Variants in CD163L1 observed in about 807,000 individuals in gnomAD.
The protein encoded by CD163L1 is CD163 molecule like 1.
CD163L1 carries 124 observed loss-of-function variants against 165.4 expected under a neutral mutation model. The ratio of observed to expected loss-of-function variants is 0.75; its 90% CI spans 0.65 to 0.87. CD163L1 has a LOEUF of 0.87. Ranked by LOEUF, CD163L1 falls within the 40% of genes least tolerant of loss-of-function variation. The pLI, the probability that CD163L1 is intolerant of heterozygous loss-of-function variation, is 0.00. For missense variants in CD163L1, 1,525 were observed against 1,799.9 expected (o/e 0.85, Z 2.76); for synonymous variants, 585 against 662.2 (o/e 0.88, Z 1.79).
At chr12:7,419,881 C>CA (rs1459882454) in intron 4 of CD163L1, among the ~76,000 whole-genome samples, 1 of 151,648 alleles carries the variant, frequency 6.6e-6, no homozygotes, top group Non-Finnish European at 1.5e-5. Flanking sequence ...CATATGGAAC[C>CA]AAAAAAGAGC....
At chr12:7,405,129 C>T (rs1465343810) in intron 5 of CD163L1, among the ~76,000 whole-genome samples, 1 of 152,156 alleles carries the variant, frequency 6.6e-6, no homozygotes, top group South Asian at 2.1e-4. Context: ...CCCTTCCTTA[C>T]TCTTCCAGAG....
At chr12:7,330,551 C>T in the CD163L1 span, among the ~76,000 whole-genome samples, 2 of 152,190 alleles carry the variant, frequency 1.3e-5, no homozygotes, top group African/African-American at 4.8e-5. Flanking sequence ...TCCTATTTCA[C>T]AGAAACCTAG....
intron 8 of CD163L1, among the ~76,000 whole-genome samples, chr12:7,394,315 C>A (rs1947727195): frequency 6.6e-6 from 1 of 152,072 alleles, no homozygotes; most frequent in Non-Finnish European, 1.5e-5. Context: ...TGATCTTTGA[C>A]AAACCTGACA....
intron 18 of CD163L1, among the ~76,000 whole-genome samples, chr12:7,362,395 T>C (rs1463936819): frequency 2.2e-5 from 3 of 137,056 alleles, no homozygotes; most frequent in Non-Finnish European, 3.0e-5. Context: ...TAATTACAAT[T>C]ATAGATAATT....
chr12:7,342,433 C>T (rs1292652695), downstream of CD163L1, among the ~76,000 whole-genome samples: 2 of 152,142 alleles, frequency 1.3e-5, no homozygotes, highest in African/African-American at 4.8e-5. Flanking sequence ...TCTATAGAAA[C>T]AATGCTTATC....
chr12:7,379,055 G>C lies in CD163L1; in HGVS notation c.2294C>G (p.Ser765Cys). The change falls in exon 9 of 20, where the codon TCT becomes TGT. Residue 765 changes from serine (S) to cysteine (C), a missense_variant. By Grantham distance (112) the Ser-to-Cys change is moderately radical. Coordinates refer to ENST00000313599, the MANE Select transcript of CD163L1 (RefSeq NM_174941.6). ...SNSGCTGGEA[S>C]LWDCIRWEWK... is the part of the protein sequence containing the mutation. Reference sequence around the variant, plus strand: ...CTCCCATCGTATACAATCCCAGAGAGAGGCTTCCCCTCCAGTGCAGCCAGA... The same window carrying C: ...CTCCCATCGTATACAATCCCAGAGACAGGCTTCCCCTCCAGTGCAGCCAGA... 1 of 1,614,116 alleles carries C rather than the reference G, an allele frequency of 6.2e-7. No individual in the cohort carries two copies. Among genetic ancestry groups the C allele is most frequent in the Non-Finnish European group, 8.5e-7 (1 of 1,179,994 alleles).
chr12:7,329,964 A>G, the CD163L1 span, among the ~76,000 whole-genome samples: 2 of 152,212 alleles, frequency 1.3e-5, no homozygotes, highest in Non-Finnish European at 2.9e-5. Flanking sequence ...TTCTGTAGGC[A>G]TATGGCTAAT....
chr12:7,413,549 A>AC (rs1948179297), intron 4 of CD163L1, among the ~76,000 whole-genome samples: 1 of 152,124 alleles, frequency 6.6e-6, no homozygotes, highest in East Asian at 1.9e-4. Flanking sequence ...GCTAATATTT[A>AC]CCCCCATCAA....
intron 18 of CD163L1, among the ~76,000 whole-genome samples, chr12:7,362,792 G>C (rs1330126037): frequency 6.7e-6 from 1 of 150,016 alleles, no homozygotes; most frequent in South Asian, 2.1e-4. Flanking sequence ...TGTCTACCCA[G>C]AGGAAAAGAA....
intron 4 of CD163L1, among the ~76,000 whole-genome samples, chr12:7,407,252 A>G (rs750616223): frequency 2.0e-5 from 3 of 152,160 alleles, no homozygotes; most frequent in Non-Finnish European, 4.4e-5. Flanking sequence ...TGGCAATAAG[A>G]TATCATTGTC....
At chr12:7,386,515 G>A (rs1398005086) in intron 8 of CD163L1, among the ~76,000 whole-genome samples, 1 of 140,248 alleles carries the variant, frequency 7.1e-6, no homozygotes, top group African/African-American at 2.7e-5. Context: ...GGAAGCAACA[G>A]AAAGAGAAAA....
downstream of CD163L1, among the ~76,000 whole-genome samples, chr12:7,345,700 C>A (rs182878464): frequency 3.3e-5 from 5 of 152,298 alleles, no homozygotes; most frequent in Admixed American, 3.3e-4. Context: ...TGTGTTGCTA[C>A]AATGAAATAC....
chr12:7,389,634 T>G (rs749599803), intron 8 of CD163L1, among the ~76,000 whole-genome samples: 1 of 152,120 alleles, frequency 6.6e-6, no homozygotes, highest in African/African-American at 2.4e-5. Flanking sequence ...AATAACTTAA[T>G]TGTATATTTT....
chr12:7,374,501 G>A lies in CD163L1; in HGVS notation c.3350C>T (p.Ser1117Phe). The A allele has an allele frequency of 6.2e-7, 1 of 1,614,210 alleles. No individual in the cohort carries two copies. The highest frequency in any genetic ancestry group is 8.5e-7 in the Non-Finnish European group (1 of 1,180,044). The change falls in exon 13 of 20, where the codon TCC (serine) becomes TTC (phenylalanine). Residue 1117 changes from serine to phenylalanine, a missense_variant. Ser to Phe is a radical substitution (Grantham distance 155, BLOSUM62 -2). Coordinates refer to ENST00000313599, the MANE Select transcript of CD163L1 (RefSeq NM_174941.6). This position sits in a 1 kb window ranked among gnomAD's most constrained non-coding sequence, Gnocchi z 5.4. ...GCAGTCGTGCTGCCCCCAGCCGCGG[G>A]AAGGGCACTGCCACAAGTGGGACTC... ...GMESHLWQCP[S>F]RGWGQHDCRH...
intron 4 of CD163L1, among the ~76,000 whole-genome samples, chr12:7,421,534 TATAC>T (rs1381728879): frequency 7.6e-6 from 1 of 132,318 alleles, no homozygotes; most frequent in African/African-American, 3.2e-5. Flanking sequence ...CATATATACA[TATAC>T]GTACACATAT....
chr12:7,367,184 T>C, intron 18 of CD163L1, 52 bp downstream of exon 18: 2 of 1,097,340 alleles, frequency 1.8e-6, no homozygotes, highest in Non-Finnish European at 1.4e-6. Context: ...CAGCGGTATT[T>C]CCTCATATTC....
chr12:7,412,703 G>A (rs1320009089), intron 4 of CD163L1, among the ~76,000 whole-genome samples: 1 of 152,034 alleles, frequency 6.6e-6, no homozygotes, highest in Non-Finnish European at 1.5e-5. Context: ...AAGAACATAA[G>A]CCAGATGGCA....
At position 7,369,443 on chromosome 12, in the gene CD163L1, T is replaced by A; in HGVS notation, c.3953A>T (p.Asn1318Ile). 1 of 1,614,166 alleles carries A rather than the reference T, an allele frequency of 6.2e-7. No homozygotes were observed. The highest frequency in any genetic ancestry group is 8.5e-7 in the Non-Finnish European group (1 of 1,180,022). ...IWLDDMRCKG[N>I]ESFLWDCHAK... ...GTGACAGTCCCATAGAAATGACTCA[T>A]TTCCTTTGCACCGCATGTCATCCAA... Residue 1318 changes from asparagine (N) to isoleucine (I), a missense_variant, in exon 15 of 20, where the codon AAT becomes ATT. Transcript: ENST00000313599. The surrounding 1 kb of genome is among the most constrained non-coding windows in gnomAD (Gnocchi z 4.9).
chr12:7,424,462 A>ATCAGG (rs1948503386), intron 4 of CD163L1, among the ~76,000 whole-genome samples: 2 of 152,236 alleles, frequency 1.3e-5, no homozygotes, highest in African/African-American at 4.8e-5. Flanking sequence ...CTCCTATTCA[A>ATCAGG]CATAGTGTTG....
Sources: allele counts gnomAD v4.1 joint callset (sites outside exome capture counted in the v4.1 genomes callset), GRCh38; gene constraint gnomAD v4.1.1; non-coding constraint Gnocchi (gnomAD v3.1); transcripts MANE v1.5; gene names NCBI Gene and HGNC (gene_info 2026-07-23, HGNC 2026-07-21).